Variants in CENPP observed in about 807,000 individuals in gnomAD.
CENPP encodes the protein centromere protein P.
Under a neutral mutation model 35.6 loss-of-function variants are expected in CENPP, and 24 were observed. The ratio of observed to expected loss-of-function variants is 0.67; its 90% CI spans 0.49 to 0.95. The LOEUF is 0.95. Among genes scored for constraint, CENPP ranks in the 40% least tolerant of loss-of-function variants. The pLI, the probability that CENPP is intolerant of heterozygous loss-of-function variation, is 0.00. For missense variants in CENPP, 332 were observed against 345.3 expected (o/e 0.96, Z 0.31); for synonymous variants, 120 against 125.5 (o/e 0.96, Z 0.29).
intron 5 of CENPP, among the ~76,000 whole-genome samples, chr9:92,523,093 T>A (rs76005470): frequency 1.3e-5 from 2 of 151,734 alleles, no homozygotes; most frequent in South Asian, 2.1e-4. Context: ...TTTTTTTTTT[T>A]AAATAGAGAT....
intron 2 of CENPP, among the ~76,000 whole-genome samples, chr9:92,332,576 G>C (rs1371589772): frequency 1.3e-5 from 2 of 152,226 alleles, no homozygotes; most frequent in African/African-American, 4.8e-5. Context: ...GGGAGGCCAA[G>C]GCATGCAGAT....
At chr9:92,419,953 T>A (rs532571940) in intron 5 of CENPP, among the ~76,000 whole-genome samples, 1 of 152,302 alleles carries the variant, frequency 6.6e-6, no homozygotes, top group Non-Finnish European at 1.5e-5. Context: ...TTAAGAAACA[T>A]CTCAATTTCT....
At chr9:92,600,300 C>A in intron 5 of CENPP, 6 of 1,477,538 alleles carry the variant, frequency 4.1e-6, no homozygotes, top group Non-Finnish European at 5.4e-6. Flanking sequence ...CATACAGGCC[C>A]ATTATTCATG....
intron 5 of CENPP, among the ~76,000 whole-genome samples, chr9:92,453,016 G>A (rs1165713189): frequency 6.6e-6 from 1 of 151,976 alleles, no homozygotes; most frequent in South Asian, 2.1e-4. Flanking sequence ...CTTGCTAGGG[G>A]TCTATCAATT....
intron 1 of CENPP, among the ~76,000 whole-genome samples, chr9:92,327,945 G>C (rs531136528): frequency 6.6e-6 from 1 of 152,166 alleles, no homozygotes; most frequent in South Asian, 2.1e-4. Flanking sequence ...CAACTCTTAC[G>C]ATCTCTATTT....
intron 5 of CENPP, among the ~76,000 whole-genome samples, chr9:92,521,649 A>T (rs1848076974): frequency 1.3e-5 from 2 of 152,206 alleles, no homozygotes; most frequent in African/African-American, 4.8e-5. Flanking sequence ...AAAAATGTAA[A>T]CCATTTAATA....
At chr9:92,464,610 T>A in intron 5 of CENPP, 1 of 488,094 alleles carries the variant, frequency 2.0e-6, no homozygotes, top group Non-Finnish European at 4.0e-6. Context: ...TAGAATTCTC[T>A]ACCTCTAACA....
intron 5 of CENPP, among the ~76,000 whole-genome samples, chr9:92,398,491 C>T (rs1280685166): frequency 6.6e-6 from 1 of 151,886 alleles, no homozygotes; most frequent in Non-Finnish European, 1.5e-5. Context: ...TTTCTTATAT[C>T]CTTTTCTTTC....
intron 5 of CENPP, among the ~76,000 whole-genome samples, chr9:92,456,014 T>G (rs1343676179): frequency 6.6e-6 from 1 of 152,190 alleles, no homozygotes; most frequent in Non-Finnish European, 1.5e-5. Context: ...GAGGTTGCAG[T>G]GAGCCAAGAT....
chr9:92,547,667 T>C (rs779903080), intron 5 of CENPP, among the ~76,000 whole-genome samples: 3 of 152,198 alleles, frequency 2.0e-5, no homozygotes, highest in Non-Finnish European at 4.4e-5. Flanking sequence ...GGTAAGAAGA[T>C]AGGGAATGAC....
At chr9:92,487,778 G>T (rs540171476) in intron 5 of CENPP, among the ~76,000 whole-genome samples, 2 of 152,274 alleles carry the variant, frequency 1.3e-5, no homozygotes, top group African/African-American at 4.8e-5. Context: ...GGAGGTGGAG[G>T]CTTCAGCAAT....
rs556104845 is a variant in CENPP at position 92,493,930 on chromosome 9, G to T, written c.564+114071G>T. 1.4e-5 allele frequency: 8 copies of T among 559,774 alleles called. No homozygotes were observed. The African/African-American group carries it at 1.5e-4, about 11-fold the overall frequency. The allele number at this position is 559,774 out of a possible 1,614,324, so 34.7% of individuals were successfully genotyped here. On this transcript the variant is annotated intron_variant, in intron 5 of 7. Coordinates refer to ENST00000375587, the MANE Select transcript of CENPP (RefSeq NM_001012267.3). The stretch of plus-strand genomic sequence containing the variant: ...ACAGTGCGTCTGCTCCACAGGCACC[G>T]GTCTGGATCTGCTGTTAATCCAGGC...
rs573141115 is a variant in CENPP at position 92,527,418 on chromosome 9, T to C, written c.565-83896T>C. On this transcript the variant is annotated intron_variant, in intron 5 of 7. Coordinates refer to ENST00000375587, the MANE Select transcript of CENPP (RefSeq NM_001012267.3). ...AGCCTAGGAGCAATAGGCTCTACCATATAGCCTAGGTGTATAGTAGGTTGT... is the reference window on the plus strand; with the variant it reads ...AGCCTAGGAGCAATAGGCTCTACCACATAGCCTAGGTGTATAGTAGGTTGT... Among the ~76,000 whole-genome samples the C allele has an allele frequency of 9.8e-5, 15 of 152,332 alleles. No homozygotes were observed. In the South Asian group the frequency reaches 2.9e-3, roughly 29 times the overall value.
At chr9:92,327,589 G>A (rs76011497) in intron 1 of CENPP, among the ~76,000 whole-genome samples, 2,299 of 152,332 alleles carry the variant, frequency 0.015, 49 homozygotes, top group African/African-American at 0.053. Flanking sequence ...GGCCCTGTAC[G>A]TCAAAAGTTG....
chr9:92,430,179 T>C lies in CENPP; in HGVS notation c.564+50320T>C, dbSNP rs182438899. On this transcript the variant is annotated intron_variant, in intron 5 of 7. Transcript: ENST00000375587. ...ATAGTTGAGTTCTTTTTTCTCTTAC[T>C]ATGGATCTGGTTGAAAATCTTTTAT... Among the ~76,000 whole-genome samples the C allele has an allele frequency of 3.9e-5, 6 of 152,320 alleles. No homozygotes were observed. The East Asian group carries it at 1.2e-3, about 29-fold the overall frequency.
chr9:92,574,874 C>G (rs1160399666), intron 5 of CENPP, among the ~76,000 whole-genome samples: 2 of 152,158 alleles, frequency 1.3e-5, no homozygotes, highest in African/African-American at 4.8e-5. Flanking sequence ...CAGACATTGG[C>G]TAATGGAATA....
intron 5 of CENPP, among the ~76,000 whole-genome samples, chr9:92,521,593 T>C (rs1215405681): frequency 2.0e-5 from 3 of 152,234 alleles, no homozygotes; most frequent in Non-Finnish European, 4.4e-5. Flanking sequence ...GAAAGTTTTA[T>C]TTAGTGGTAA....
In CENPP at chr9:92,464,761, T is replaced by C. The variant is rs759895992; in HGVS notation, c.564+84902T>C. 230 of 713,810 alleles carry C rather than the reference T, an allele frequency of 3.2e-4. 4 individuals carry two copies. The Middle Eastern group carries it at 9.1e-3, about 28-fold the overall frequency. The allele number at this position is 713,810 out of a possible 1,614,324, so 44.2% of individuals were successfully genotyped here. ...ATTCTGTCAGGAAAAAGGCACTACA[T>C]ATGGCATTTTATGTGTGTGTAGACT... On this transcript the variant is annotated intron_variant, in intron 5 of 7. Transcript: ENST00000375587.
chr9:92,423,786 A>G (rs954145939), intron 5 of CENPP, among the ~76,000 whole-genome samples: 10 of 152,296 alleles, frequency 6.6e-5, no homozygotes, highest in African/African-American at 2.2e-4. Flanking sequence ...AAATTTGTAC[A>G]AATGCCCATC....
Sources: gnomAD v4.1 joint callset for allele counts (sites outside exome capture counted in the v4.1 genomes callset) on GRCh38, gnomAD v4.1.1 for gene constraint, MANE v1.5 for transcripts, NCBI Gene and HGNC (gene_info 2026-07-23, HGNC 2026-07-21) for gene names.